The following PROS1 variants were observed in gnomAD, a reference collection of about 807,000 sequenced individuals.
The protein encoded by PROS1 is vitamin K-dependent protein S.
A neutral mutation model predicts 75.9 loss-of-function variants in PROS1; 29 were observed. The observed-to-expected ratio is 0.38, with a 90% CI of 0.28 to 0.52. The LOEUF is 0.52. Among genes scored for constraint, PROS1 ranks in the 20% least tolerant of loss-of-function variants. The probability of loss-of-function intolerance (pLI) is 0.83; values close to 1 mark genes in which losing one functional copy is unlikely to be tolerated. For missense variants in PROS1, 680 were observed against 810.3 expected (o/e 0.84, Z 1.95); for synonymous variants, 245 against 280.6 (o/e 0.87, Z 1.27).
chr3:93,915,983 A>G (rs999816079), intron 3 of PROS1, among the ~76,000 whole-genome samples: 1 of 152,150 alleles, frequency 6.6e-6, no homozygotes, highest in Non-Finnish European at 1.5e-5. Context: ...TATTGCTATA[A>G]CAGAATACCA....
Position 93,893,025 on chromosome 3 carries a change from G to A in PROS1, c.1063C>T (p.Arg355Cys), listed in dbSNP as rs387906674. Residue 355 changes from arginine to cysteine, a missense_variant, in exon 10 of 15, where the codon CGT (arginine) becomes TGT (cysteine). Arg to Cys is a radical substitution (Grantham distance 180). Coordinates refer to ENST00000394236, the MANE Select transcript of PROS1 (RefSeq NM_000313.4). ...DHSAWLLIAL[R>C]GGKIEVQLKN... is the part of the protein sequence containing the mutation. ...AGCTGAACTTCAATCTTTCCACCAC[G>A]AAGTGCAATCAGGAGCCACGCTGAG... The A allele has an allele frequency of 3.7e-6, 6 of 1,613,760 alleles. No homozygotes were observed. The East Asian group carries it at 6.7e-5, about 18-fold the overall frequency.
At chr3:93,952,652 C>T (rs1401630364) in intron 1 of PROS1, among the ~76,000 whole-genome samples, 4 of 152,180 alleles carry the variant, frequency 2.6e-5, no homozygotes, top group Admixed American at 6.6e-5. Flanking sequence ...GACACCCTAA[C>T]AGCACAACTA....
At chr3:93,940,986 A>G (rs1354319254) in intron 1 of PROS1, among the ~76,000 whole-genome samples, 1 of 151,640 alleles carries the variant, frequency 6.6e-6, no homozygotes, top group Admixed American at 6.6e-5. Context: ...TTCCTCCACA[A>G]CTCACTATTC....
intron 1 of PROS1, among the ~76,000 whole-genome samples, chr3:93,927,925 G>GTGTATATATATATGTATATATATATA (rs1559941458): frequency 4.7e-5 from 6 of 127,260 alleles, no homozygotes; most frequent in African/African-American, 1.8e-4. Flanking sequence ...ATATATATAT[G>GTGTATATATATATGTATATATATATA]TGTATATATA....
intron 1 of PROS1, among the ~76,000 whole-genome samples, chr3:93,927,899 ATGTG>A (rs1186398916): frequency 2.1e-4 from 26 of 124,658 alleles, no homozygotes; most frequent in African/African-American, 6.0e-4. Context: ...ATATATATAT[ATGTG>A]TGTGTGTGTG....
At chr3:93,933,103 A>G (rs945864290) in intron 1 of PROS1, among the ~76,000 whole-genome samples, 1 of 152,152 alleles carries the variant, frequency 6.6e-6, no homozygotes, top group Non-Finnish European at 1.5e-5. Flanking sequence ...TTCTGAGAAG[A>G]GAGTCTTTGG....
chr3:93,970,541 C>T (rs1189986786), intron 1 of PROS1, among the ~76,000 whole-genome samples: 1 of 151,890 alleles, frequency 6.6e-6, no homozygotes, highest in Non-Finnish European at 1.5e-5. Context: ...CGGGGTCCCA[C>T]TATGCTGCCC....
chr3:93,937,548 T>C (rs905201690), intron 1 of PROS1, among the ~76,000 whole-genome samples: 5 of 152,006 alleles, frequency 3.3e-5, no homozygotes, highest in African/African-American at 9.7e-5. Context: ...TTTGTATTTT[T>C]AGTAGAGACA....
intron 9 of PROS1, 144 bp downstream of exon 9, chr3:93,896,432 G>A: frequency 2.8e-6 from 2 of 724,446 alleles, no homozygotes; most frequent in Middle Eastern, 2.8e-4. Flanking sequence ...TTAACTTTAG[G>A]TTTCCCCAAG....
chr3:93,889,856 A>G (rs1708404875), intron 10 of PROS1, among the ~76,000 whole-genome samples: 1 of 152,176 alleles, frequency 6.6e-6, no homozygotes, highest in Non-Finnish European at 1.5e-5. Context: ...ACAATATGAA[A>G]TCAGTGCACC....
chr3:93,911,983 G>T (rs1400689640), intron 3 of PROS1, among the ~76,000 whole-genome samples: 1 of 152,168 alleles, frequency 6.6e-6, no homozygotes. Flanking sequence ...ATCACAGACA[G>T]ATTAAAAGAT....
intron 1 of PROS1, among the ~76,000 whole-genome samples, chr3:93,938,814 T>C (rs1450113675): frequency 6.6e-6 from 1 of 152,104 alleles, no homozygotes; most frequent in African/African-American, 2.4e-5. Flanking sequence ...TGCCTGATTA[T>C]TCACCCACAC....
At position 93,956,163 on chromosome 3, in the gene PROS1, G is replaced by C. The variant is rs568666453; in HGVS notation, c.76+17511C>G. Among the ~76,000 whole-genome samples the C allele has an allele frequency of 1.1e-4, 16 of 151,952 alleles. 1 individual carries two copies. The highest frequency in any genetic ancestry group is 3.6e-4 in the African/African-American group (15 of 41,430). On this transcript the variant is annotated intron_variant, in intron 1 of 14. Transcript: ENST00000394236. ...TCAAAGGTATCTACAAATATACAGC[G>C]GTAGGATAGTAGTATCTTTTATTGG... is the stretch of plus-strand genomic sequence containing the variant.
At chr3:93,918,617 C>G (rs769548625) in intron 3 of PROS1, among the ~76,000 whole-genome samples, 1 of 152,128 alleles carries the variant, frequency 6.6e-6, no homozygotes, top group Non-Finnish European at 1.5e-5. Context: ...CGAGGGTCGG[C>G]GGCTTCATTC....
At chr3:93,923,579 A>G (rs1437375580) in intron 3 of PROS1, among the ~76,000 whole-genome samples, 2 of 152,190 alleles carry the variant, frequency 1.3e-5, no homozygotes, top group African/African-American at 4.8e-5. Flanking sequence ...TTTCATGGAT[A>G]TATCCATATC....
chr3:93,891,548 T>C, intron 10 of PROS1, among the ~76,000 whole-genome samples: 1 of 152,056 alleles, frequency 6.6e-6, no homozygotes, highest in East Asian at 1.9e-4. Flanking sequence ...CTGCTGGGAT[T>C]GCAGGCGTGC....
chr3:93,887,322 G>GA (rs917906872), intron 10 of PROS1, among the ~76,000 whole-genome samples: 2 of 152,060 alleles, frequency 1.3e-5, no homozygotes, highest in East Asian at 1.9e-4. Context: ...GAGGCAATAA[G>GA]AAAAAAATAC....
At chr3:93,906,497 G>C (rs1455649037) in intron 4 of PROS1, among the ~76,000 whole-genome samples, 1 of 152,166 alleles carries the variant, frequency 6.6e-6, no homozygotes, top group Non-Finnish European at 1.5e-5. Flanking sequence ...GGACCCGGGT[G>C]TCTCTGTGCT....
intron 1 of PROS1, among the ~76,000 whole-genome samples, chr3:93,935,299 G>A (rs1234735444): frequency 6.6e-6 from 1 of 152,008 alleles, no homozygotes; most frequent in African/African-American, 2.4e-5. Flanking sequence ...CATGCAGCAA[G>A]ATAGTCCCAC....
Sources: gnomAD v4.1 joint callset for allele counts (sites outside exome capture counted in the v4.1 genomes callset) on GRCh38, gnomAD v4.1.1 for gene constraint, MANE v1.5 for transcripts, NCBI Gene and HGNC (gene_info 2026-07-23, HGNC 2026-07-21) for gene names.